Variants in GHR observed in about 807,000 individuals in gnomAD.
The protein encoded by GHR is GH receptor.
A neutral mutation model predicts 67.1 loss-of-function variants in GHR; 35 were observed. The ratio of observed to expected loss-of-function variants is 0.52; its 90% confidence interval spans 0.40 to 0.69. The LOEUF is 0.69. Among genes scored for constraint, GHR ranks in the 30% least tolerant of loss-of-function variants. The pLI, the probability that GHR is intolerant of heterozygous loss-of-function variation, is 0.00. For synonymous variants in GHR, 272 were observed against 269.1 expected (o/e 1.01, Z -0.10); for missense variants, 792 against 764.6 (o/e 1.04, Z -0.42).
intron 3 of GHR, among the ~76,000 whole-genome samples, chr5:42,669,631 C>A (rs1003655584): frequency 2.0e-5 from 3 of 152,060 alleles, no homozygotes; most frequent in Non-Finnish European, 4.4e-5. Flanking sequence ...TCCTAAGCTC[C>A]AAGGGGAAAA....
intron 1 of GHR, among the ~76,000 whole-genome samples, chr5:42,476,984 A>C (rs922173364): frequency 5.3e-5 from 8 of 150,754 alleles, no homozygotes; most frequent in East Asian, 4.0e-4. Context: ...TGCACCCATT[A>C]ACTCGTCATT....
At chr5:42,685,786 G>C (rs947182623) in intron 3 of GHR, among the ~76,000 whole-genome samples, 1 of 151,986 alleles carries the variant, frequency 6.6e-6, no homozygotes, top group Non-Finnish European at 1.5e-5. Flanking sequence ...CTTTTTGATG[G>C]GGTTGTTTTT....
chr5:42,508,765 G>A (rs1334289947), intron 1 of GHR, among the ~76,000 whole-genome samples: 1 of 152,192 alleles, frequency 6.6e-6, no homozygotes, highest in East Asian at 1.9e-4. Context: ...TAGTAGAGAC[G>A]GGGTTTCACT....
chr5:42,573,913 A>C (rs1180530177), intron 2 of GHR, among the ~76,000 whole-genome samples: 1 of 151,570 alleles, frequency 6.6e-6, no homozygotes, highest in Non-Finnish European at 1.5e-5. Flanking sequence ...AATATTGACT[A>C]CTGGATAACC....
chr5:42,500,926 T>C (rs1419352090), intron 1 of GHR, among the ~76,000 whole-genome samples: 1 of 152,126 alleles, frequency 6.6e-6, no homozygotes, highest in East Asian at 1.9e-4. Context: ...CGTTTTAGAA[T>C]AACTTACAAT....
At chr5:42,514,472 T>TAA (rs1747156473) in intron 1 of GHR, 7 of 204,582 alleles carry the variant, frequency 3.4e-5, no homozygotes, top group African/African-American at 1.3e-4. Flanking sequence ...GGTTCTAGAT[T>TAA]TAAAAAAAAA....
chr5:42,539,593 C>T (rs1748409638), intron 1 of GHR, among the ~76,000 whole-genome samples: 2 of 152,180 alleles, frequency 1.3e-5, no homozygotes, highest in African/African-American at 4.8e-5. Context: ...CAGGAGCAGT[C>T]CACTTCCTTC....
At chr5:42,629,010 TA>T in intron 2 of GHR, 27 bp from the exon 3 acceptor site, 1 of 1,225,410 alleles carries the variant, frequency 8.2e-7, no homozygotes, top group Non-Finnish European at 1.2e-6. Context: ...TGGGGATGAC[TA>T]ATGGTTTTCT....
chr5:42,578,814 C>G (rs756362403), intron 2 of GHR, among the ~76,000 whole-genome samples: 23 of 152,018 alleles, frequency 1.5e-4, no homozygotes, highest in Admixed American at 2.6e-4. Context: ...GTTAATTCCC[C>G]TTTTTCATAC....
Position 42,695,095 on chromosome 5 carries a change from T to C in GHR, c.439+6T>C, listed in dbSNP as rs1401185820. On this transcript the variant is annotated splice_donor_region_variant and intron_variant, in intron 5 of 9. Coordinates refer to ENST00000230882, the MANE Select transcript of GHR (RefSeq NM_000163.5). ...TTTCTCTGTTGATGAAATAGGTAAA[T>C]CACAGGTTTTTGTTTCATTTGACAT... 2 of 1,595,334 alleles carry C rather than the reference T, an allele frequency of 1.3e-6. No individual in the cohort carries two copies. The highest frequency in any genetic ancestry group is 1.1e-5 in the South Asian group (1 of 90,674).
intron 1 of GHR, among the ~76,000 whole-genome samples, chr5:42,475,223 CT>C (rs919358949): frequency 3.3e-5 from 5 of 152,050 alleles, no homozygotes; most frequent in African/African-American, 1.2e-4. Flanking sequence ...TTAAGTCTTT[CT>C]GTGGGTTAAA....
At chr5:42,638,606 A>G (rs181740911) in intron 3 of GHR, among the ~76,000 whole-genome samples, 32 of 152,330 alleles carry the variant, frequency 2.1e-4, no homozygotes, top group Admixed American at 4.6e-4. Flanking sequence ...GTATCTAAAC[A>G]TAGAAAATGT....
At chr5:42,689,054 A>G in intron 4 of GHR, 35 bp downstream of exon 4, 1 of 1,589,600 alleles carries the variant, frequency 6.3e-7, no homozygotes, top group South Asian at 1.1e-5. Flanking sequence ...TTTCCTCTCC[A>G]TGGATGTACC....
At chr5:42,628,720 G>A (rs188460326) in intron 2 of GHR, among the ~76,000 whole-genome samples, 1 of 132,294 alleles carries the variant, frequency 7.6e-6, no homozygotes, top group East Asian at 2.0e-4. Flanking sequence ...GCCTATAGGT[G>A]TGACTTAACC....
At chr5:42,438,578 A>G (rs1404793158) in intron 1 of GHR, among the ~76,000 whole-genome samples, 1 of 152,186 alleles carries the variant, frequency 6.6e-6, no homozygotes. Flanking sequence ...ACCAGCTGCC[A>G]TGTTTTGAGC....
chr5:42,451,623 T>A (rs1215221594), intron 1 of GHR, among the ~76,000 whole-genome samples: 1 of 151,328 alleles, frequency 6.6e-6, no homozygotes, highest in Non-Finnish European at 1.5e-5. Context: ...GGAGAGTCAC[T>A]TGAACCCAGG....
chr5:42,702,711 TC>T (rs1757989049), intron 6 of GHR, among the ~76,000 whole-genome samples: 1 of 152,046 alleles, frequency 6.6e-6, no homozygotes. Context: ...ACACTTGTTA[TC>T]TCTTCTTTTT....
At chr5:42,513,979 CT>C in intron 1 of GHR, 3 of 309,622 alleles carry the variant, frequency 9.7e-6, no homozygotes, top group Non-Finnish European at 1.4e-5. Context: ...TATAAAAAAT[CT>C]TTTCTATCCT....
intron 1 of GHR, among the ~76,000 whole-genome samples, chr5:42,524,934 G>A (rs1032798247): frequency 1.3e-5 from 2 of 152,204 alleles, no homozygotes; most frequent in African/African-American, 4.8e-5. Flanking sequence ...GGGAACCTCC[G>A]CCTAGATTTC....
Sources: allele counts gnomAD v4.1 joint callset (sites outside exome capture counted in the v4.1 genomes callset), GRCh38; gene constraint gnomAD v4.1.1; transcripts MANE v1.5; gene names NCBI Gene and HGNC (gene_info 2026-07-23, HGNC 2026-07-21).